Variants in ABCC3 observed in about 807,000 individuals in gnomAD.
ABCC3 encodes the protein ATP binding cassette subfamily C member 3, also known as ATP-binding cassette sub-family C member 3.
In ABCC3, 121 loss-of-function variants were observed where a neutral mutation model predicts 165.3. The observed-to-expected ratio is 0.73, with a 90% CI of 0.63 to 0.85. The LOEUF (loss-of-function observed/expected upper bound fraction) is 0.85, where lower values mean the gene tolerates loss of function less well. Ranked by LOEUF, ABCC3 falls within the 40% of genes least tolerant of loss-of-function variation. ABCC3 has a pLI of 0.00. For missense variants in ABCC3, 1,869 were observed against 1,964.1 expected (o/e 0.95, Z 0.92); for synonymous variants, 733 against 810.1 (o/e 0.90, Z 1.62).
intron 1 of ABCC3, among the ~76,000 whole-genome samples, chr17:50,651,234 G>C (rs1164507772): frequency 2.0e-5 from 3 of 152,138 alleles, no homozygotes; most frequent in African/African-American, 7.2e-5. Context: ...TTGTCAGTGT[G>C]GCACAGAACA....
Position 50,668,429 on chromosome 17 carries a change from G to C in ABCC3, c.1783-1G>C. 1.2e-6 allele frequency: 2 copies of C among 1,613,600 alleles called. No individual in the cohort carries two copies. On this transcript the variant is annotated splice_acceptor_variant, in intron 13 of 30. Transcript: ENST00000285238. LOFTEE classifies it high-confidence loss of function. Reference sequence around the variant, plus strand: ...TAGGGCTGACTCACATCCTCCCGTAGGCCAGTGTGTCTCTGAAACGGATCC... The same window carrying C: ...TAGGGCTGACTCACATCCTCCCGTACGCCAGTGTGTCTCTGAAACGGATCC...
At position 50,668,495 on chromosome 17, in the gene ABCC3, G is replaced by A. The variant is rs746754619; in HGVS notation, c.1848G>A (p.Val616=). The A allele has an allele frequency of 6.2e-7, 1 of 1,613,936 alleles. No homozygotes were observed. Among genetic ancestry groups the A allele is most frequent in the East Asian group, 2.2e-5 (1 of 44,880 alleles). Residue 616 remains valine (V), a synonymous_variant, in exon 14 of 31, where the codon GTG becomes GTA. Transcript: ENST00000285238. ...AAGAGGAACTTGACCCCCAGAGTGT[G>A]GAAAGAAAGACCATCTCCCCAGGTC... ...LSQEELDPQS[V]ERKTISPGYA...
Position 50,675,410 on chromosome 17 carries a change from T to A in ABCC3, c.2648T>A (p.Leu883His). The change falls in exon 20 of 31, where the codon CTC becomes CAC. Residue 883 changes from leucine to histidine, a missense_variant. Leu to His is a moderately conservative substitution (Grantham distance 99). Transcript: ENST00000285238. ...GAGGCACTGCTGATTGAAGACACACTCAGCAACCACACGGATCTGACAGAC... is the reference window on the plus strand; with the variant it reads ...GAGGCACTGCTGATTGAAGACACACACAGCAACCACACGGATCTGACAGAC... ...DKEALLIEDT[L>H]SNHTDLTDND... 2 of 1,614,012 alleles carry A rather than the reference T, an allele frequency of 1.2e-6. No homozygotes were observed. Among genetic ancestry groups the A allele is most frequent in the Non-Finnish European group, 1.7e-6 (2 of 1,179,974 alleles).
intron 10 of ABCC3, 23 bp downstream of exon 10, chr17:50,664,134 T>C (rs371660167): frequency 1.2e-6 from 2 of 1,612,706 alleles, no homozygotes; most frequent in Admixed American, 3.3e-5. Context: ...CCCTGACCTC[T>C]GCCTCCTTCC....
In ABCC3 at chr17:50,668,492, T is replaced by G. The variant is rs750024226; in HGVS notation, c.1845T>G (p.Ser615Arg). The change falls in exon 14 of 31, where the codon AGT (serine) becomes AGG (arginine). Residue 615 changes from serine (S) to arginine (R), a missense_variant. Coordinates refer to ENST00000285238, the MANE Select transcript of ABCC3 (RefSeq NM_003786.4). ...GCCAAGAGGAACTTGACCCCCAGAG[T>G]GTGGAAAGAAAGACCATCTCCCCAG... Reference protein sequence around the residue: ...FLSQEELDPQSVERKTISPGY... With the variant: ...FLSQEELDPQRVERKTISPGY... 1.2e-6 allele frequency: 2 copies of G among 1,613,762 alleles called. No individual in the cohort carries two copies. The highest frequency in any genetic ancestry group is 1.7e-6 in the Non-Finnish European group (2 of 1,179,862).
At chr17:50,657,020 C>CG (rs1567828728) in intron 3 of ABCC3, 26 bp from the exon 4 acceptor site, 1 of 1,607,588 alleles carries the variant, frequency 6.2e-7, no homozygotes, top group Non-Finnish European at 8.5e-7. Flanking sequence ...GTGTTCTGCC[C>CG]GGGCCTCCCT....
intron 4 of ABCC3, among the ~76,000 whole-genome samples, chr17:50,657,445 A>C (rs1967276772): frequency 6.6e-6 from 1 of 152,248 alleles, no homozygotes; most frequent in South Asian, 2.1e-4. Flanking sequence ...CCCACCCACC[A>C]AGTGCAATAT....
chr17:50,651,008 T>C (rs1411423092), intron 1 of ABCC3, among the ~76,000 whole-genome samples: 1 of 133,610 alleles, frequency 7.5e-6, no homozygotes, highest in Non-Finnish European at 1.5e-5. Flanking sequence ...GAGGTTGCAG[T>C]GAGTCAAGAT....
chr17:50,685,655 A>G (rs924750374), intron 29 of ABCC3, among the ~76,000 whole-genome samples: 1 of 152,186 alleles, frequency 6.6e-6, no homozygotes, highest in South Asian at 2.1e-4. Flanking sequence ...TTTCACATTT[A>G]CAGAATGTCT....
chr17:50,638,654 G>A (rs180948724), intron 1 of ABCC3, among the ~76,000 whole-genome samples: 10 of 152,274 alleles, frequency 6.6e-5, no homozygotes, highest in Admixed American at 5.9e-4. Context: ...CTTGGTAGAG[G>A]CCTCTGGGTC....
chr17:50,651,673 C>T (rs759882613), intron 1 of ABCC3, among the ~76,000 whole-genome samples: 7 of 152,034 alleles, frequency 4.6e-5, no homozygotes, highest in African/African-American at 2.4e-5. Flanking sequence ...TGCAGTGAGC[C>T]GAGATCTTGC....
intron 11 of ABCC3, among the ~76,000 whole-genome samples, chr17:50,665,979 G>C (rs1967519181): frequency 6.6e-6 from 1 of 151,926 alleles, no homozygotes; most frequent in African/African-American, 2.4e-5. Flanking sequence ...GACTCAGCAG[G>C]CTTCTGCTTA....
chr17:50,687,514 T>C (rs1968043217), intron 29 of ABCC3, 22 bp from the exon 30 acceptor site: 2 of 1,607,340 alleles, frequency 1.2e-6, no homozygotes, highest in Non-Finnish European at 1.7e-6. Flanking sequence ...CAGCTGGAAA[T>C]GCCTGCCTTC....
intron 17 of ABCC3, among the ~76,000 whole-genome samples, chr17:50,671,274 G>T (rs569776868): frequency 6.8e-6 from 1 of 146,940 alleles, no homozygotes; most frequent in Non-Finnish European, 1.5e-5. Flanking sequence ...AAAAAAAAAA[G>T]AAAAAAAAAC....
chr17:50,670,638 C>T (rs552211701), intron 17 of ABCC3, among the ~76,000 whole-genome samples: 7 of 152,016 alleles, frequency 4.6e-5, no homozygotes, highest in Admixed American at 1.3e-4. Flanking sequence ...AAAAATAAAG[C>T]GGGGAAGGAA....
chr17:50,658,547 G>A, intron 6 of ABCC3, 51 bp downstream of exon 6: 2 of 1,574,156 alleles, frequency 1.3e-6, no homozygotes, highest in Non-Finnish European at 1.7e-6. Context: ...GGGATGGAAG[G>A]TGAGATGGAG....
At position 50,679,826 on chromosome 17, in the gene ABCC3, G is replaced by C; in HGVS notation, c.3734G>C (p.Arg1245Pro). The C allele has an allele frequency of 2.5e-6, 4 of 1,614,130 alleles. No homozygotes were observed. The highest frequency in any genetic ancestry group is 3.4e-6 in the Non-Finnish European group (4 of 1,180,012). The stretch of plus-strand genomic sequence containing the variant: ...ACATTTGCTCTGAACTGGATGATAC[G>C]AATGATGTCAGATTTGGAATCTAAC... ...QVTFALNWMI[R>P]MMSDLESNIV... Residue 1245 changes from arginine (R) to proline (P), a missense_variant, in exon 26 of 31, where the codon CGA becomes CCA. Coordinates refer to ENST00000285238, the MANE Select transcript of ABCC3 (RefSeq NM_003786.4).
In ABCC3 at chr17:50,675,484, C is replaced by T; in HGVS notation, c.2714+8C>T. 1.2e-6 allele frequency: 2 copies of T among 1,610,390 alleles called. No individual in the cohort carries two copies. The highest frequency in any genetic ancestry group is 1.7e-6 in the Non-Finnish European group (2 of 1,177,928). ...CCAGAAGCAGTTTATGAGGTGAGTT[C>T]CTGAGAGCTCCCAGCCCTCCCGGAG... On this transcript the variant is annotated splice_region_variant and intron_variant, in intron 20 of 30. Coordinates refer to ENST00000285238, the MANE Select transcript of ABCC3 (RefSeq NM_003786.4).
chr17:50,673,542 A>T lies in ABCC3; in HGVS notation c.2483A>T (p.Gln828Leu), dbSNP rs1231856673. 3 of 1,614,056 alleles carry T rather than the reference A, an allele frequency of 1.9e-6. No individual in the cohort carries two copies. Among genetic ancestry groups the T allele is most frequent in the Non-Finnish European group, 1.7e-6 (2 of 1,180,044 alleles). The change falls in exon 19 of 31, where the codon CAG (glutamine) becomes CTG (leucine). Residue 828 changes from glutamine to leucine, a missense_variant. By Grantham distance (113) the Gln-to-Leu change is moderately radical (BLOSUM62 -2). Transcript: ENST00000285238. ...TTCATCATTGTGCTAGCTGATGGACAGGTGTCTGAGATGGGCCCGTACCCA... is the reference window on the plus strand; with the variant it reads ...TTCATCATTGTGCTAGCTGATGGACTGGTGTCTGAGATGGGCCCGTACCCA... ...TDFIIVLADG[Q>L]VSEMGPYPAL...
Sources: allele counts gnomAD v4.1 joint callset (sites outside exome capture counted in the v4.1 genomes callset), GRCh38; gene constraint gnomAD v4.1.1; transcripts MANE v1.5; gene names NCBI Gene and HGNC (gene_info 2026-07-23, HGNC 2026-07-21).